The following CDH13 variants were observed in gnomAD, a reference collection of about 807,000 sequenced individuals.
The protein encoded by CDH13 is cadherin-13.
Under a neutral mutation model 63.8 loss-of-function variants are expected in CDH13, and 24 were observed. The ratio of observed to expected loss-of-function variants is 0.38; its 90% confidence interval spans 0.27 to 0.53. The LOEUF is 0.53. Among genes scored for constraint, CDH13 ranks in the 20% least tolerant of loss-of-function variants. CDH13 has a pLI of 0.85. For missense variants in CDH13, 1,049 were observed against 903.1 expected (o/e 1.16, Z -2.07); for synonymous variants, 503 against 355.3 (o/e 1.42, Z -4.67).
chr16:82,831,822 G>A (rs990491332), intron 1 of CDH13, among the ~76,000 whole-genome samples: 1 of 152,062 alleles, frequency 6.6e-6, no homozygotes, highest in Non-Finnish European at 1.5e-5. Flanking sequence ...TGACATCTAA[G>A]GGCAAAACAG....
intron 3 of CDH13, among the ~76,000 whole-genome samples, chr16:83,119,044 A>C (rs913267784): frequency 3.9e-5 from 6 of 152,154 alleles, no homozygotes; most frequent in African/African-American, 1.4e-4. Context: ...ATCGCCTAGC[A>C]CACACCAAAA....
Position 83,777,111 on chromosome 16 carries a change from A to C in CDH13, c.1682-2857A>C, listed in dbSNP as rs1362318818. ...CTGCTTTCCTGCTCGAGCTGCACACATCATGCCTCTCTTCATCCATGGCTG... is the reference window on the plus strand; with the variant it reads ...CTGCTTTCCTGCTCGAGCTGCACACCTCATGCCTCTCTTCATCCATGGCTG... On this transcript the variant is annotated intron_variant, in intron 11 of 13. Transcript: ENST00000567109. 3.9e-5 allele frequency among the ~76,000 whole-genome samples: 6 copies of C among 152,284 alleles called. No homozygotes were observed. In the East Asian group the frequency reaches 1.2e-3, roughly 29 times the overall value.
intron 5 of CDH13, among the ~76,000 whole-genome samples, chr16:83,228,844 T>C (rs2039921935): frequency 6.6e-6 from 1 of 152,150 alleles, no homozygotes; most frequent in African/African-American, 2.4e-5. Context: ...TGATCAGATT[T>C]GGATTTTACA....
At chr16:83,337,185 C>A (rs114576466) in intron 5 of CDH13, among the ~76,000 whole-genome samples, 2 of 152,168 alleles carry the variant, frequency 1.3e-5, no homozygotes, top group Non-Finnish European at 2.9e-5. Flanking sequence ...CATTGTTTTG[C>A]GTACTGTGAC....
intron 2 of CDH13, among the ~76,000 whole-genome samples, chr16:82,984,414 C>G (rs527993397): frequency 1.3e-5 from 2 of 152,320 alleles, no homozygotes; most frequent in East Asian, 3.9e-4. Flanking sequence ...AATTCTGACT[C>G]TGCTACTTAT....
chr16:83,372,403 C>T (rs1378852437), intron 6 of CDH13, among the ~76,000 whole-genome samples: 2 of 152,102 alleles, frequency 1.3e-5, no homozygotes, highest in African/African-American at 4.8e-5. Context: ...CATTCTTCCC[C>T]AAATTCAGTG....
At chr16:82,917,382 T>C (rs2042023103) in intron 2 of CDH13, among the ~76,000 whole-genome samples, 1 of 152,164 alleles carries the variant, frequency 6.6e-6, no homozygotes, top group Non-Finnish European at 1.5e-5. Flanking sequence ...GTTAAAACTT[T>C]AGATAAGTTA....
intron 5 of CDH13, among the ~76,000 whole-genome samples, chr16:83,277,652 T>C (rs2089034737): frequency 1.3e-5 from 2 of 152,174 alleles, no homozygotes; most frequent in South Asian, 4.1e-4. Context: ...GTGTACATCA[T>C]TGAACCAGAC....
At chr16:82,646,789 AG>A (rs1910145921) in intron 1 of CDH13, among the ~76,000 whole-genome samples, 1 of 152,144 alleles carries the variant, frequency 6.6e-6, no homozygotes, top group Non-Finnish European at 1.5e-5. Flanking sequence ...AAGATGATAG[AG>A]GGAGAATTGC....
intron 5 of CDH13, among the ~76,000 whole-genome samples, chr16:83,233,548 GCTT>G (rs2040062548): frequency 6.6e-6 from 1 of 152,172 alleles, no homozygotes; most frequent in Non-Finnish European, 1.5e-5. Flanking sequence ...GGCAGAGCTG[GCTT>G]CTTCTGGAAG....
At chr16:82,713,056 GGTGT>G (rs10617791) in intron 1 of CDH13, among the ~76,000 whole-genome samples, 2 of 150,092 alleles carry the variant, frequency 1.3e-5, no homozygotes, top group Non-Finnish European at 3.0e-5. Flanking sequence ...GTGTGTGTGT[GGTGT>G]GTGTGTGTGT....
chr16:83,020,595 T>C (rs1915256625), intron 2 of CDH13, among the ~76,000 whole-genome samples: 1 of 152,162 alleles, frequency 6.6e-6, no homozygotes, highest in Admixed American at 6.6e-5. Flanking sequence ...AATACCTAAG[T>C]TGTCTGTGGT....
chr16:83,015,224 T>C (rs2151443193), intron 2 of CDH13, among the ~76,000 whole-genome samples: 1 of 152,064 alleles, frequency 6.6e-6, no homozygotes, highest in Non-Finnish European at 1.5e-5. Flanking sequence ...GTTGATTCCA[T>C]TTTTAATTAT....
intron 10 of CDH13, among the ~76,000 whole-genome samples, chr16:83,725,303 G>A (rs1397962764): frequency 1.3e-5 from 2 of 152,184 alleles, no homozygotes; most frequent in African/African-American, 2.4e-5. Context: ...ACTGCAACGG[G>A]TCTTGTGTAT....
intron 4 of CDH13, among the ~76,000 whole-genome samples, chr16:83,215,663 C>T (rs1392414924): frequency 1.3e-5 from 2 of 149,522 alleles, no homozygotes; most frequent in South Asian, 2.1e-4. Flanking sequence ...GAGCAGGGGG[C>T]GGGCAGGACC....
chr16:82,689,732 A>G (rs756295173), intron 1 of CDH13, among the ~76,000 whole-genome samples: 1 of 152,074 alleles, frequency 6.6e-6, no homozygotes, highest in Non-Finnish European at 1.5e-5. Context: ...CAGGCCTCAC[A>G]TTTACATTCT....
chr16:82,766,488 C>A (rs1293094250), intron 1 of CDH13, among the ~76,000 whole-genome samples: 1 of 152,168 alleles, frequency 6.6e-6, no homozygotes, highest in Non-Finnish European at 1.5e-5. Flanking sequence ...GGGTTGGAAT[C>A]CTGATTCTGC....
chr16:82,770,816 G>T (rs1003709284), intron 1 of CDH13, among the ~76,000 whole-genome samples: 4 of 151,846 alleles, frequency 2.6e-5, no homozygotes, highest in Non-Finnish European at 5.9e-5. Flanking sequence ...CAAGCAATTC[G>T]CCTGCCTCAG....
rs1390139485 is a variant in CDH13 at position 83,107,237 on chromosome 16, G to A, written c.367-18148G>A. ...CAGGCAGGTAGCTAAGAGTCCCGTT[G>A]AATTTCCAACCTTCTGGCCAGAGAA... On this transcript the variant is annotated intron_variant, in intron 3 of 13. Coordinates refer to ENST00000567109, the MANE Select transcript of CDH13 (RefSeq NM_001257.5). Among the ~76,000 whole-genome samples the A allele has an allele frequency of 2.0e-5, 3 of 152,302 alleles. No homozygotes were observed. In the East Asian group the frequency reaches 5.8e-4, roughly 29 times the overall value.
Sources: allele counts gnomAD v4.1 joint callset (sites outside exome capture counted in the v4.1 genomes callset), GRCh38; gene constraint gnomAD v4.1.1; transcripts MANE v1.5; gene names NCBI Gene and HGNC (gene_info 2026-07-23, HGNC 2026-07-21).